The following ACOXL variants were observed in gnomAD, a reference collection of about 807,000 sequenced individuals.
ACOXL encodes the protein acyl-coenzyme A oxidase-like protein.
ACOXL carries 70 observed loss-of-function variants against 71.9 expected under a neutral mutation model. The ratio of observed to expected loss-of-function variants is 0.97; its 90% CI spans 0.80 to 1.19. The LOEUF is 1.19. Among genes scored for constraint, ACOXL ranks in the 50% most tolerant of loss-of-function variants. The pLI, the probability that ACOXL is intolerant of heterozygous loss-of-function variation, is 0.00. For synonymous variants in ACOXL, 253 were observed against 281.6 expected (o/e 0.90, Z 1.02); for missense variants, 703 against 736.3 (o/e 0.95, Z 0.52).
chr2:110,796,625 C>A (rs1573556358), intron 5 of ACOXL, among the ~76,000 whole-genome samples: 1 of 152,158 alleles, frequency 6.6e-6, no homozygotes, highest in Non-Finnish European at 1.5e-5. Context: ...CACTTTCTTA[C>A]CCTGAGTGTA....
At chr2:110,860,956 T>C (rs1009016195) in intron 10 of ACOXL, among the ~76,000 whole-genome samples, 30 of 152,092 alleles carry the variant, frequency 2.0e-4, no homozygotes, top group African/African-American at 6.5e-4. Context: ...CCACAATAAA[T>C]CCTACAAGAG....
At chr2:110,826,769 CT>C (rs1302346360) in intron 9 of ACOXL, among the ~76,000 whole-genome samples, 81 of 124,870 alleles carry the variant, frequency 6.5e-4, no homozygotes, top group African/African-American at 1.9e-3. Flanking sequence ...TTTTTTTTTC[CT>C]TTTTTTTTTG....
chr2:110,863,607 G>A (rs1292603124), intron 10 of ACOXL, among the ~76,000 whole-genome samples: 1 of 152,160 alleles, frequency 6.6e-6, no homozygotes, highest in Non-Finnish European at 1.5e-5. Context: ...CCCCCAACTG[G>A]TTGGTAACAG....
At chr2:111,055,677 G>T (rs1189548062) in intron 16 of ACOXL, among the ~76,000 whole-genome samples, 1 of 152,254 alleles carries the variant, frequency 6.6e-6, no homozygotes, top group Admixed American at 6.5e-5. Context: ...GGCTGGGAAT[G>T]GGATTGGGCC....
intron 12 of ACOXL, chr2:110,967,964 A>G: frequency 1.1e-6 from 1 of 928,934 alleles, no homozygotes; most frequent in Non-Finnish European, 1.7e-6. Flanking sequence ...AAAAATAAAT[A>G]CAACACACCC....
At chr2:110,938,197 G>C (rs1216656779) in intron 12 of ACOXL, among the ~76,000 whole-genome samples, 1 of 152,234 alleles carries the variant, frequency 6.6e-6, no homozygotes, top group Non-Finnish European at 1.5e-5. Context: ...TGCTAGGCAG[G>C]GGAACCTGAA....
intron 16 of ACOXL, among the ~76,000 whole-genome samples, chr2:111,080,043 G>C (rs2067821937): frequency 6.6e-6 from 1 of 152,114 alleles, no homozygotes; most frequent in Non-Finnish European, 1.5e-5. Context: ...ATGGTAGTTT[G>C]TATTTCTGTG....
chr2:110,924,940 AG>A (rs962249967), intron 11 of ACOXL, among the ~76,000 whole-genome samples: 9 of 152,286 alleles, frequency 5.9e-5, no homozygotes, highest in African/African-American at 1.9e-4. Flanking sequence ...TGCTTGATCC[AG>A]GGACTGGAGA....
At chr2:111,054,590 G>C (rs1574619371) in intron 16 of ACOXL, among the ~76,000 whole-genome samples, 1 of 152,182 alleles carries the variant, frequency 6.6e-6, no homozygotes, top group Non-Finnish European at 1.5e-5. Flanking sequence ...TACCAGCCAA[G>C]TATGAATGCT....
intron 14 of ACOXL, among the ~76,000 whole-genome samples, chr2:111,023,586 GAAATA>G (rs1238632492): frequency 2.0e-5 from 3 of 152,130 alleles, no homozygotes; most frequent in African/African-American, 7.2e-5. Context: ...GGCCCCATGG[GAAATA>G]GTGAGATGCA....
chr2:110,968,483 ATGCT>A (rs1268104573), intron 12 of ACOXL: 1 of 1,310,144 alleles, frequency 7.6e-7, no homozygotes. Flanking sequence ...GAAGATGAAG[ATGCT>A]TACAAGAAAC....
chr2:111,022,637 C>T (rs759489175), intron 14 of ACOXL, among the ~76,000 whole-genome samples: 10 of 152,088 alleles, frequency 6.6e-5, no homozygotes, highest in African/African-American at 1.4e-4. Context: ...AAGGCAGCCG[C>T]GTGTTCTGCC....
chr2:110,859,844 AGGACTCCCCAG>A (rs1213066546), intron 10 of ACOXL, among the ~76,000 whole-genome samples: 1 of 152,122 alleles, frequency 6.6e-6, no homozygotes, highest in Non-Finnish European at 1.5e-5. Flanking sequence ...GATCAATGCT[AGGACTCCCCAG>A]GCATCCCTCA....
chr2:110,869,493 C>T (rs1179424385), intron 10 of ACOXL, among the ~76,000 whole-genome samples: 1 of 152,168 alleles, frequency 6.6e-6, no homozygotes, highest in Non-Finnish European at 1.5e-5. Context: ...GGTGGGTGAG[C>T]TTCCTGGCGG....
chr2:110,917,666 G>A (rs2059915566), intron 11 of ACOXL, among the ~76,000 whole-genome samples: 1 of 152,346 alleles, frequency 6.6e-6, no homozygotes, highest in Admixed American at 6.5e-5. Flanking sequence ...CATAGTCTCA[G>A]CCCAAAATCT....
intron 14 of ACOXL, among the ~76,000 whole-genome samples, chr2:111,017,625 C>G (rs1558873241): frequency 6.6e-6 from 1 of 152,202 alleles, no homozygotes; most frequent in Non-Finnish European, 1.5e-5. Flanking sequence ...TCATCCCCGT[C>G]AACGCCTTCA....
chr2:111,113,185 T>C (rs1015350167), intron 17 of ACOXL: 1 of 152,012 alleles, frequency 6.6e-6, no homozygotes, highest in Admixed American at 6.6e-5. Flanking sequence ...GGCAAAAGGG[T>C]AGACAAGGCT....
chr2:111,023,260 C>T (rs2064859138), intron 14 of ACOXL, among the ~76,000 whole-genome samples: 1 of 152,018 alleles, frequency 6.6e-6, no homozygotes, highest in Non-Finnish European at 1.5e-5. Context: ...TAAGCACGGT[C>T]AAATCACTCT....
At chr2:110,795,972 C>T (rs1486526351) in intron 5 of ACOXL, 3 of 152,094 alleles carry the variant, frequency 2.0e-5, no homozygotes, top group Admixed American at 1.3e-4. Context: ...AAGTTGCAAT[C>T]ATAATGACGA....
Sources: allele counts gnomAD v4.1 joint callset (sites outside exome capture counted in the v4.1 genomes callset), GRCh38; gene constraint gnomAD v4.1.1; transcripts MANE v1.5; gene names NCBI Gene and HGNC (gene_info 2026-07-23, HGNC 2026-07-21).